TTC17: variants seen among roughly 807,000 people sequenced by gnomAD.
The protein encoded by TTC17 is tetratricopeptide repeat domain 17.
A neutral mutation model predicts 143.8 loss-of-function variants in TTC17; 58 were observed. That is an observed-to-expected ratio of 0.40 (90% confidence interval 0.33 to 0.50). The LOEUF (loss-of-function observed/expected upper bound fraction) is 0.50, where lower values mean the gene tolerates loss of function less well. Among genes scored for constraint, TTC17 ranks in the 20% least tolerant of loss-of-function variants. The pLI, the probability that TTC17 is intolerant of heterozygous loss-of-function variation, is 0.49. For missense variants in TTC17, 1,273 were observed against 1,392.5 expected (o/e 0.91, Z 1.37); for synonymous variants, 501 against 497.8 (o/e 1.01, Z -0.09).
chr11:43,389,394 G>C (rs974131931), intron 2 of TTC17, among the ~76,000 whole-genome samples: 8 of 152,142 alleles, frequency 5.3e-5, no homozygotes, highest in Admixed American at 4.6e-4. Context: ...GATGTGCTTC[G>C]TGGGTAGTCA....
intron 10 of TTC17, among the ~76,000 whole-genome samples, chr11:43,402,367 A>G (rs968207485): frequency 6.6e-6 from 1 of 152,196 alleles, no homozygotes; most frequent in Non-Finnish European, 1.5e-5. Flanking sequence ...TTATCAACAG[A>G]AAATCTTTAT....
intron 2 of TTC17, among the ~76,000 whole-genome samples, chr11:43,384,867 T>G (rs1466854451): frequency 6.6e-6 from 1 of 152,208 alleles, no homozygotes; most frequent in Non-Finnish European, 1.5e-5. Context: ...AAAAAATTTT[T>G]TTAAAGCTTT....
At chr11:43,393,303 C>T (rs1352371362) in intron 5 of TTC17, among the ~76,000 whole-genome samples, 2 of 152,162 alleles carry the variant, frequency 1.3e-5, no homozygotes, top group Non-Finnish European at 2.9e-5. Flanking sequence ...CCCACAGCTG[C>T]CTCCCCAAGT....
intron 1 of TTC17, among the ~76,000 whole-genome samples, chr11:43,374,426 A>C (rs1856686192): frequency 6.6e-6 from 1 of 152,178 alleles, no homozygotes; most frequent in South Asian, 2.1e-4. Flanking sequence ...GACAAGTGGG[A>C]CCTAATTAAA....
At chr11:43,407,712 A>G (rs1858210234) in intron 15 of TTC17, 135 bp downstream of exon 15, 2 of 807,576 alleles carry the variant, frequency 2.5e-6, no homozygotes. Context: ...GCATTATTTC[A>G]AGAGAGTGTG....
chr11:43,477,717 G>T (rs1045838464), intron 21 of TTC17, among the ~76,000 whole-genome samples: 2 of 152,112 alleles, frequency 1.3e-5, no homozygotes, highest in African/African-American at 4.8e-5. Context: ...TTCGAGATGT[G>T]GGTGGGGACA....
At chr11:43,463,690 G>T (rs1010635648) in intron 21 of TTC17, among the ~76,000 whole-genome samples, 7 of 152,076 alleles carry the variant, frequency 4.6e-5, no homozygotes, top group African/African-American at 1.4e-4. Context: ...ATTTTCTGGT[G>T]CCAGGCAAGC....
At chr11:43,370,859 T>C (rs1856540677) in intron 1 of TTC17, among the ~76,000 whole-genome samples, 2 of 152,180 alleles carry the variant, frequency 1.3e-5, no homozygotes. Context: ...CAGTCTGCAG[T>C]GCAGTGGCAC....
rs1856872583 is a variant in TTC17 at position 43,379,233 on chromosome 11, G to A, written c.160G>A (p.Val54Met). 6.2e-7 allele frequency: 1 copy of A among 1,611,428 alleles called. No individual in the cohort carries two copies. Among genetic ancestry groups the A allele is most frequent in the Non-Finnish European group, 8.5e-7 (1 of 1,179,222 alleles). Residue 54 changes from valine (V) to methionine (M), a missense_variant and splice_region_variant, in exon 2 of 24, where the codon GTG (valine) becomes ATG (methionine). Physicochemically the swap from Val to Met is conservative, Grantham distance 21 (BLOSUM62 1). This residue lies in a region of TTC17 where 325 missense variants were observed against 444.2 expected (regional missense o/e 0.73). Coordinates refer to ENST00000039989, the MANE Select transcript of TTC17 (RefSeq NM_018259.6). ...TTATTTATTTATTGCTTGCTTGCAG[G>A]TGGATTCACCAATGAACTTGAAGCA... ...VTEDGKIQQQ[V>M]DSPMNLKHPH...
chr11:43,451,905 G>C (rs1947664648), intron 21 of TTC17, among the ~76,000 whole-genome samples: 1 of 152,130 alleles, frequency 6.6e-6, no homozygotes, highest in African/African-American at 2.4e-5. Flanking sequence ...GCGACACTGT[G>C]AGATAGCAAC....
intron 16 of TTC17, among the ~76,000 whole-genome samples, chr11:43,439,038 C>T (rs1473950237): frequency 2.0e-5 from 3 of 152,220 alleles, no homozygotes; most frequent in Non-Finnish European, 4.4e-5. Context: ...TCATTAATAG[C>T]ACATTCCCTT....
chr11:43,445,521 A>G (rs1453904252), intron 18 of TTC17, among the ~76,000 whole-genome samples: 1 of 152,220 alleles, frequency 6.6e-6, no homozygotes, highest in African/African-American at 2.4e-5. Flanking sequence ...ACTTTTATAA[A>G]CAAAAAACTA....
intron 5 of TTC17, among the ~76,000 whole-genome samples, chr11:43,392,363 T>C (rs187146593): frequency 3.3e-5 from 5 of 152,340 alleles, no homozygotes; most frequent in Admixed American, 3.3e-4. Context: ...GTAACTTTCT[T>C]TTAAGAGACT....
intron 18 of TTC17, 73 bp from the exon 19 acceptor site, chr11:43,447,929 T>C: frequency 6.4e-7 from 1 of 1,558,114 alleles, no homozygotes; most frequent in Non-Finnish European, 8.7e-7. Context: ...GGTGAAGTAA[T>C]CACCAGGGCA....
chr11:43,387,995 A>T (rs902563920), intron 2 of TTC17, among the ~76,000 whole-genome samples: 1 of 152,214 alleles, frequency 6.6e-6, no homozygotes, highest in East Asian at 1.9e-4. Flanking sequence ...TACTGGGACA[A>T]TTCTAATTGT....
At chr11:43,401,414 C>T (rs1290662144) in intron 9 of TTC17, 32 bp from the exon 10 acceptor site, 1 of 1,472,684 alleles carries the variant, frequency 6.8e-7, no homozygotes, top group Non-Finnish European at 9.4e-7. Context: ...TGACCTTGCT[C>T]ATCATTTGTG....
intron 1 of TTC17, among the ~76,000 whole-genome samples, chr11:43,371,470 A>G (rs571571039): frequency 1.3e-5 from 2 of 152,340 alleles, no homozygotes; most frequent in African/African-American, 4.8e-5. Context: ...TAGAAAAGAC[A>G]CAGATGAAGA....
intron 1 of TTC17, among the ~76,000 whole-genome samples, chr11:43,375,748 G>T (rs556268161): frequency 3.3e-5 from 5 of 152,156 alleles, no homozygotes; most frequent in Admixed American, 6.5e-5. Flanking sequence ...CTGCCATAAA[G>T]AATAATTAAA....
At chr11:43,361,551 T>C (rs1159143418) in intron 1 of TTC17, among the ~76,000 whole-genome samples, 1 of 152,248 alleles carries the variant, frequency 6.6e-6, no homozygotes, top group African/African-American at 2.4e-5. Context: ...AAATACCTCA[T>C]GTAATTCATG....
Sources: allele counts gnomAD v4.1 joint callset (sites outside exome capture counted in the v4.1 genomes callset), GRCh38; gene constraint gnomAD v4.1.1; regional missense constraint gnomAD v4.1.1; transcripts MANE v1.5; gene names NCBI Gene and HGNC (gene_info 2026-07-23, HGNC 2026-07-21).